Variants in RPA3 observed in about 807,000 individuals in gnomAD.
RPA3 encodes the protein replication protein A 14 kDa subunit.
Under a neutral mutation model 13.7 loss-of-function variants are expected in RPA3, and 24 were observed. The observed-to-expected ratio is 1.75, with a 90% CI of 1.27 to 2.46. The LOEUF is 2.46. Among genes scored for constraint, RPA3 ranks in the 30% most tolerant of loss-of-function variants. The pLI is 0.00. For missense variants in RPA3, 183 were observed against 151.0 expected (o/e 1.21, Z -1.11); for synonymous variants, 59 against 51.2 (o/e 1.15, Z -0.65).
At chr7:7,718,190 AAAT>A (rs1193063332) in intron 1 of RPA3, among the ~76,000 whole-genome samples, 2 of 152,214 alleles carry the variant, frequency 1.3e-5, no homozygotes, top group Non-Finnish European at 2.9e-5. Context: ...TGATTTTTCC[AAAT>A]AATGTGTCAG....
Position 7,640,404 on chromosome 7 carries a change from C to G in RPA3, c.15G>C (p.Met5Ile). The change falls in exon 5 of 8, where the codon ATG (methionine) becomes ATC (isoleucine). Residue 5 changes from methionine (M) to isoleucine (I), a missense_variant. By Grantham distance (10) the Met-to-Ile change is conservative. Transcript: ENST00000223129. MVDMMDLPRSRINAG... is the reference protein window; with the variant it reads MVDMIDLPRSRINAG... ...CGTTGATGCGCGACCTGGGCAAGTC[C>G]ATCATGTCCACCATGATTATGGTCC... The G allele has an allele frequency of 6.2e-7, 1 of 1,614,024 alleles. No individual in the cohort carries two copies. Among genetic ancestry groups the G allele is most frequent in the Non-Finnish European group, 8.5e-7 (1 of 1,180,028 alleles).
rs1174479482 is a variant in RPA3 at position 7,640,314 on chromosome 7, G to A, written c.99+6C>T. On this transcript the variant is annotated splice_donor_region_variant and intron_variant, in intron 5 of 7. Coordinates refer to ENST00000223129, the MANE Select transcript of RPA3 (RefSeq NM_002947.5). ...CTTGGGAGCCCATGATTGCGAACCC[G>A]CACACCTTTTCCAGCCTCCCTACGA... The A allele has an allele frequency of 6.2e-7, 1 of 1,613,742 alleles. No individual in the cohort carries two copies. The highest frequency in any genetic ancestry group is 8.5e-7 in the Non-Finnish European group (1 of 1,179,836).
chr7:7,649,958 T>C (rs182467578), intron 4 of RPA3, among the ~76,000 whole-genome samples: 297 of 152,346 alleles, frequency 1.9e-3, no homozygotes, highest in Non-Finnish European at 3.5e-3. Context: ...CTGAATATAC[T>C]GGAGCTTTGA....
intron 2 of RPA3, among the ~76,000 whole-genome samples, chr7:7,702,832 T>A (rs1286099610): frequency 1.3e-5 from 2 of 152,178 alleles, no homozygotes; most frequent in African/African-American, 4.8e-5. Flanking sequence ...TTGTAAAAAA[T>A]GCTTAGAGAC....
chr7:7,657,642 G>T (rs1255751242), intron 4 of RPA3, among the ~76,000 whole-genome samples: 1 of 152,060 alleles, frequency 6.6e-6, no homozygotes, highest in African/African-American at 2.4e-5. Context: ...TATTATTTCT[G>T]AGGGCTCTGT....
chr7:7,716,878 GGAGCA>G (rs1383795750), intron 1 of RPA3, among the ~76,000 whole-genome samples: 1 of 152,006 alleles, frequency 6.6e-6, no homozygotes, highest in Non-Finnish European at 1.5e-5. Context: ...CCTGGGAGGC[GGAGCA>G]TGCTATGTAA....
chr7:7,651,539 T>G (rs1397736245), intron 4 of RPA3, among the ~76,000 whole-genome samples: 1 of 152,228 alleles, frequency 6.6e-6, no homozygotes, highest in African/African-American at 2.4e-5. Flanking sequence ...GCCATTGCTT[T>G]GGGTACGTAT....
chr7:7,707,012 A>G (rs751700003), intron 2 of RPA3, among the ~76,000 whole-genome samples: 25 of 152,288 alleles, frequency 1.6e-4, no homozygotes, highest in Non-Finnish European at 3.1e-4. Flanking sequence ...ATTTTTAGTC[A>G]GTCTCTAGAA....
intron 4 of RPA3, among the ~76,000 whole-genome samples, chr7:7,657,737 A>G (rs1785377099): frequency 6.6e-6 from 1 of 152,104 alleles, no homozygotes; most frequent in Non-Finnish European, 1.5e-5. Context: ...GTTTGAAGTC[A>G]GGTAGTGTGA....
chr7:7,712,249 C>A (rs189583948), intron 2 of RPA3, among the ~76,000 whole-genome samples: 1 of 152,078 alleles, frequency 6.6e-6, no homozygotes, highest in East Asian at 1.9e-4. Flanking sequence ...TCAAACCTAC[C>A]CACTCTGATG....
At chr7:7,642,959 CTTCTT>C (rs981960756) in intron 4 of RPA3, among the ~76,000 whole-genome samples, 8 of 151,948 alleles carry the variant, frequency 5.3e-5, no homozygotes, top group Non-Finnish European at 1.2e-4. Context: ...TATCTTCTGA[CTTCTT>C]TTGTTTGTTT....
chr7:7,711,820 A>G (rs973818176), intron 2 of RPA3, among the ~76,000 whole-genome samples: 1 of 152,044 alleles, frequency 6.6e-6, no homozygotes, highest in Admixed American at 6.5e-5. Context: ...AATATATAAA[A>G]CTTTTCCTTA....
At chr7:7,644,983 A>C (rs1223319605) in intron 4 of RPA3, among the ~76,000 whole-genome samples, 1 of 152,222 alleles carries the variant, frequency 6.6e-6, no homozygotes, top group African/African-American at 2.4e-5. Context: ...AAAAGGTCTC[A>C]TACTTTTCTA....
At chr7:7,646,592 C>T (rs1246643172) in intron 4 of RPA3, among the ~76,000 whole-genome samples, 2 of 149,728 alleles carry the variant, frequency 1.3e-5, no homozygotes, top group African/African-American at 4.9e-5. Context: ...AACTGTGAGT[C>T]CATTAAACCC....
At chr7:7,688,453 G>A (rs1390507817) in intron 2 of RPA3, among the ~76,000 whole-genome samples, 1 of 152,176 alleles carries the variant, frequency 6.6e-6, no homozygotes, top group South Asian at 2.1e-4. Flanking sequence ...CTGATTATCC[G>A]AATCCAAGGT....
intron 4 of RPA3, among the ~76,000 whole-genome samples, chr7:7,659,723 A>G (rs1217333817): frequency 6.6e-6 from 1 of 152,140 alleles, no homozygotes; most frequent in Admixed American, 6.5e-5. Flanking sequence ...ACTTCCAATT[A>G]TGTGGTCAAT....
intron 4 of RPA3, among the ~76,000 whole-genome samples, chr7:7,661,315 T>C (rs980816478): frequency 6.6e-6 from 1 of 152,196 alleles, no homozygotes; most frequent in Admixed American, 6.5e-5. Context: ...AGCCTCCTTC[T>C]TTCAATTTGT....
In RPA3 at chr7:7,648,577, G is replaced by A. The variant is rs181910024; in HGVS notation, c.-757-7402C>T. Among the ~76,000 whole-genome samples the A allele has an allele frequency of 2.9e-3, 445 of 152,268 alleles. 2 individuals are homozygous for A. The highest frequency in any genetic ancestry group is 3.9e-3 in the Non-Finnish European group (267 of 68,026). On this transcript the variant is annotated intron_variant, in intron 4 of 7. Transcript: ENST00000223129. Reference sequence around the variant, plus strand: ...TATAAAGAAAATAAAATTGGCAGGGGAATTGGCTCACTCCTGTAATCCCAG... The same window carrying A: ...TATAAAGAAAATAAAATTGGCAGGGAAATTGGCTCACTCCTGTAATCCCAG...
At chr7:7,672,308 C>G (rs896787063) in intron 4 of RPA3, among the ~76,000 whole-genome samples, 3 of 152,084 alleles carry the variant, frequency 2.0e-5, no homozygotes, top group Non-Finnish European at 4.4e-5. Flanking sequence ...TGTTGGCCTA[C>G]TTGAATGTAT....
Sources: gnomAD v4.1 joint callset for allele counts (sites outside exome capture counted in the v4.1 genomes callset) on GRCh38, gnomAD v4.1.1 for gene constraint, MANE v1.5 for transcripts, NCBI Gene and HGNC (gene_info 2026-07-23, HGNC 2026-07-21) for gene names.